The following NFIB variants were observed in gnomAD, a reference collection of about 807,000 sequenced individuals.
The protein encoded by NFIB is nuclear factor 1 B-type.
Under a neutral mutation model 61.5 loss-of-function variants are expected in NFIB, and 11 were observed. That is an observed-to-expected ratio of 0.18 (90% confidence interval 0.11 to 0.30). The LOEUF (loss-of-function observed/expected upper bound fraction) is 0.30. Among genes scored for constraint, NFIB ranks in the 10% least tolerant of loss-of-function variants. NFIB has a pLI of 1.00. For missense variants in NFIB, 471 were observed against 608.9 expected (o/e 0.77, Z 2.38); for synonymous variants, 260 against 216.5 (o/e 1.20, Z -1.76).
At chr9:14,167,094 G>T (rs887660616) in intron 3 of NFIB, among the ~76,000 whole-genome samples, 1 of 144,682 alleles carries the variant, frequency 6.9e-6, no homozygotes, top group African/African-American at 2.5e-5. Context: ...GGGGGGGGGG[G>T]GTTCCCCTTT....
chr9:14,330,872 C>A (rs1280102657), intron 1 of NFIB, among the ~76,000 whole-genome samples: 1 of 152,052 alleles, frequency 6.6e-6, no homozygotes, highest in South Asian at 2.1e-4. Context: ...CTTAATGGCC[C>A]ATATTCTAAT....
At chr9:14,171,032 AG>A (rs1274688218) in intron 3 of NFIB, among the ~76,000 whole-genome samples, 3 of 152,232 alleles carry the variant, frequency 2.0e-5, no homozygotes, top group Non-Finnish European at 4.4e-5. Flanking sequence ...AACTAACTGT[AG>A]CCCATGAACG....
intron 1 of NFIB, among the ~76,000 whole-genome samples, chr9:14,352,262 ATT>A (rs59193389): frequency 1.3e-5 from 2 of 150,750 alleles, no homozygotes; most frequent in East Asian, 1.9e-4. Context: ...TGATTTTTTC[ATT>A]TTTTTTTGGT....
At chr9:14,184,242 T>G (rs1390592634) in intron 2 of NFIB, among the ~76,000 whole-genome samples, 3 of 152,198 alleles carry the variant, frequency 2.0e-5, no homozygotes, top group African/African-American at 7.2e-5. Flanking sequence ...TCAGACACAA[T>G]ACTTCTTGAA....
chr9:14,372,982 G>A (rs2061375934), intron 1 of NFIB, among the ~76,000 whole-genome samples: 1 of 152,078 alleles, frequency 6.6e-6, no homozygotes, highest in African/African-American at 2.4e-5. Context: ...TACAGGGAAC[G>A]GTGGTGGGGG....
At chr9:14,418,565 C>G in the NFIB span, among the ~76,000 whole-genome samples, 1 of 152,154 alleles carries the variant, frequency 6.6e-6, no homozygotes, top group African/African-American at 2.4e-5. Context: ...ACTCAGTGCA[C>G]CATCCTACCA....
chr9:14,283,297 T>A (rs1015363763), intron 2 of NFIB, among the ~76,000 whole-genome samples: 11 of 152,198 alleles, frequency 7.2e-5, no homozygotes, highest in Non-Finnish European at 1.6e-4. Context: ...CGCTTGTGTA[T>A]TTGTATCATT....
the NFIB span, among the ~76,000 whole-genome samples, chr9:14,525,374 T>C: frequency 6.6e-6 from 1 of 152,212 alleles, no homozygotes; most frequent in African/African-American, 2.4e-5. Flanking sequence ...GGTTTTCGTG[T>C]TCTCTCCTCT....
At chr9:14,199,231 G>A (rs1392904271) in intron 2 of NFIB, among the ~76,000 whole-genome samples, 1 of 152,220 alleles carries the variant, frequency 6.6e-6, no homozygotes, top group Non-Finnish European at 1.5e-5. Flanking sequence ...TGGCAATTGT[G>A]TTCTGGCAGC....
At chr9:14,529,783 G>C in the NFIB span, among the ~76,000 whole-genome samples, 3 of 152,136 alleles carry the variant, frequency 2.0e-5, no homozygotes, top group South Asian at 6.2e-4. Context: ...ACCTAATGAA[G>C]ATTAAATACC....
At chr9:14,182,206 G>C (rs1587385948) in intron 2 of NFIB, among the ~76,000 whole-genome samples, 1 of 152,216 alleles carries the variant, frequency 6.6e-6, no homozygotes, top group South Asian at 2.1e-4. Flanking sequence ...GCATTTGAGG[G>C]AAAGCTGAAG....
intron 1 of NFIB, among the ~76,000 whole-genome samples, chr9:14,349,110 AG>A (rs1212552905): frequency 1.4e-4 from 21 of 152,210 alleles, no homozygotes; most frequent in Admixed American, 1.1e-3. Flanking sequence ...TGCTCTTGCG[AG>A]CAAACAGATC....
intron 10 of NFIB, among the ~76,000 whole-genome samples, chr9:14,100,074 A>C (rs1457637778): frequency 1.3e-5 from 2 of 152,188 alleles, no homozygotes; most frequent in Non-Finnish European, 2.9e-5. Context: ...CTATCTAAAA[A>C]ATAAAAAACA....
intron 2 of NFIB, among the ~76,000 whole-genome samples, chr9:14,237,842 A>G (rs12343609): frequency 1.9e-5 from 1 of 52,520 alleles, no homozygotes; most frequent in Non-Finnish European, 3.5e-5. Flanking sequence ...TAGGTATAAC[A>G]GTGTGTGTGT....
chr9:14,335,291 T>C (rs2060873063), intron 1 of NFIB, among the ~76,000 whole-genome samples: 1 of 152,218 alleles, frequency 6.6e-6, no homozygotes, highest in Non-Finnish European at 1.5e-5. Flanking sequence ...GCTGTATCAC[T>C]TCACAATTCC....
intron 2 of NFIB, among the ~76,000 whole-genome samples, chr9:14,190,868 A>C (rs1476134960): frequency 2.0e-5 from 3 of 152,184 alleles, no homozygotes; most frequent in East Asian, 1.9e-4. Context: ...ATATTCTTTC[A>C]AACAGTCACT....
intron 6 of NFIB, among the ~76,000 whole-genome samples, chr9:14,131,532 G>A (rs2040406274): frequency 6.6e-6 from 1 of 152,166 alleles, no homozygotes; most frequent in Admixed American, 6.5e-5. Flanking sequence ...CACAGCGTAT[G>A]TACTCGACTC....
chr9:14,326,698 G>GAAAA (rs34910775), intron 1 of NFIB, among the ~76,000 whole-genome samples: 8 of 125,476 alleles, frequency 6.4e-5, no homozygotes, highest in South Asian at 2.7e-4. Context: ...GTGGTTTACA[G>GAAAA]AAAAAAAAAA....
chr9:14,254,590 G>A (rs1024806867), intron 2 of NFIB, among the ~76,000 whole-genome samples: 2 of 152,046 alleles, frequency 1.3e-5, no homozygotes, highest in Non-Finnish European at 2.9e-5. Context: ...CAGTACTCCC[G>A]TGCACTGGTT....
Sources: gnomAD v4.1 joint callset for allele counts (sites outside exome capture counted in the v4.1 genomes callset) on GRCh38, gnomAD v4.1.1 for gene constraint, MANE v1.5 for transcripts, NCBI Gene and HGNC (gene_info 2026-07-23, HGNC 2026-07-21) for gene names.